Variants in ESRRG observed in about 807,000 individuals in gnomAD.
ESRRG encodes the protein estrogen related receptor gamma.
A neutral mutation model predicts 44.0 loss-of-function variants in ESRRG; 13 were observed. The ratio of observed to expected loss-of-function variants is 0.30; its 90% CI spans 0.19 to 0.47. ESRRG has a LOEUF of 0.47. ESRRG is among the 20% of genes least tolerant of loss of function. ESRRG has a pLI of 1.00. For synonymous variants in ESRRG, 215 were observed against 214.6 expected, an observed-to-expected ratio of 1.00 and a Z score of -0.02; for missense variants, 395 against 580.6, an observed-to-expected ratio of 0.68 and a Z score of 3.29.
intron 3 of ESRRG, among the ~76,000 whole-genome samples, chr1:216,573,853 C>G (rs766559877): frequency 7.2e-5 from 11 of 151,808 alleles, no homozygotes; most frequent in Non-Finnish European, 1.5e-4. Flanking sequence ...AAACTAATAC[C>G]TTTAAAATAT....
chr1:216,973,916 A>G (rs79613357), intron 1 of ESRRG, among the ~76,000 whole-genome samples: 6 of 151,914 alleles, frequency 3.9e-5, no homozygotes. Context: ...ATTCTTAAAA[A>G]CCCATAAGCG....
At chr1:217,098,210 C>T (rs753320979) in intron 1 of ESRRG, among the ~76,000 whole-genome samples, 5 of 152,126 alleles carry the variant, frequency 3.3e-5, no homozygotes, top group Non-Finnish European at 5.9e-5. Flanking sequence ...TCCTTCAACC[C>T]TCCATCAGCA....
intron 2 of ESRRG, among the ~76,000 whole-genome samples, chr1:216,928,385 A>G (rs1250436164): frequency 6.6e-6 from 1 of 152,170 alleles, no homozygotes; most frequent in Non-Finnish European, 1.5e-5. Context: ...AGGGAAGGTT[A>G]AAAAGAGGAG....
intron 1 of ESRRG, among the ~76,000 whole-genome samples, chr1:217,108,119 T>G (rs991489191): frequency 1.3e-5 from 2 of 152,210 alleles, no homozygotes; most frequent in African/African-American, 4.8e-5. Flanking sequence ...CTTTTTCTCC[T>G]AATTCTTGAC....
upstream of ESRRG, among the ~76,000 whole-genome samples, chr1:217,093,202 G>C (rs926790808): frequency 1.3e-5 from 2 of 152,142 alleles, no homozygotes; most frequent in Non-Finnish European, 2.9e-5. Flanking sequence ...GCTAGTGCTC[G>C]CTGTGTGACC....
chr1:216,805,563 G>A (rs982124560), intron 2 of ESRRG, among the ~76,000 whole-genome samples: 5 of 152,084 alleles, frequency 3.3e-5, no homozygotes, highest in African/African-American at 1.2e-4. Flanking sequence ...GACATGTGCT[G>A]TTGTCATAAA....
intron 1 of ESRRG, among the ~76,000 whole-genome samples, chr1:217,065,305 G>T (rs1475674746): frequency 1.3e-5 from 2 of 152,200 alleles, no homozygotes; most frequent in African/African-American, 4.8e-5. Flanking sequence ...ACCCTCAGCA[G>T]GTGTGAAAAC....
intron 3 of ESRRG, among the ~76,000 whole-genome samples, chr1:216,600,486 G>C (rs944828635): frequency 2.6e-5 from 4 of 152,126 alleles, no homozygotes; most frequent in Admixed American, 2.0e-4. Context: ...GCTCAATTTT[G>C]CTGTCAGCCT....
chr1:216,974,074 T>A (rs2072342280), intron 1 of ESRRG, among the ~76,000 whole-genome samples: 1 of 152,186 alleles, frequency 6.6e-6, no homozygotes, highest in South Asian at 2.1e-4. Flanking sequence ...AGAAAAAGAT[T>A]ATTATCATAG....
intron 1 of ESRRG, among the ~76,000 whole-genome samples, chr1:217,047,695 T>C (rs2085142088): frequency 6.6e-6 from 1 of 152,148 alleles, no homozygotes; most frequent in Non-Finnish European, 1.5e-5. Context: ...CAGATGGGAA[T>C]GACCAAGAAG....
chr1:216,986,246 T>C (rs2074840270), intron 1 of ESRRG, among the ~76,000 whole-genome samples: 1 of 152,208 alleles, frequency 6.6e-6, no homozygotes, highest in Non-Finnish European at 1.5e-5. Flanking sequence ...TTTAGGTGGC[T>C]CACAATCACA....
chr1:216,975,656 C>A (rs552508231), intron 1 of ESRRG, among the ~76,000 whole-genome samples: 1 of 152,316 alleles, frequency 6.6e-6, no homozygotes, highest in Non-Finnish European at 1.5e-5. Context: ...ATATAGTCTG[C>A]ATCTCTACTT....
intron 2 of ESRRG, among the ~76,000 whole-genome samples, chr1:216,888,993 T>C (rs2149382249): frequency 6.6e-6 from 1 of 152,272 alleles, no homozygotes; most frequent in East Asian, 1.9e-4. Flanking sequence ...CATCCTTGCA[T>C]CCCAATCCTC....
chr1:216,904,978 T>C (rs2059528825), intron 2 of ESRRG, among the ~76,000 whole-genome samples: 2 of 152,160 alleles, frequency 1.3e-5, no homozygotes, highest in African/African-American at 4.8e-5. Flanking sequence ...CAACACAAAA[T>C]AGCATTTTAT....
Position 216,931,159 on chromosome 1 carries a change from T to C in ESRRG, c.-14+8423A>G, listed in dbSNP as rs11572497. On this transcript the variant is annotated intron_variant, in intron 2 of 7. Coordinates refer to the ESRRG transcript ENST00000359162. Reference sequence around the variant, plus strand: ...CCCAAAGCATCTAGGAGAAGGTACATGGATATTAAAGATGACATGCACGTT... The same window carrying C: ...CCCAAAGCATCTAGGAGAAGGTACACGGATATTAAAGATGACATGCACGTT... Among the ~76,000 whole-genome samples, 498 of 152,302 alleles carry C rather than the reference T, an allele frequency of 3.3e-3. 1 individual carries two copies. Among genetic ancestry groups the C allele is most frequent in the Non-Finnish European group, 5.5e-3 (372 of 68,030 alleles).
chr1:216,858,915 A>T (rs1238838679), intron 2 of ESRRG, among the ~76,000 whole-genome samples: 2 of 152,208 alleles, frequency 1.3e-5, no homozygotes, highest in Non-Finnish European at 2.9e-5. Context: ...CTCTGACCCT[A>T]GTTGGCATGG....
At chr1:217,065,123 AG>A (rs2089413581) in intron 1 of ESRRG, among the ~76,000 whole-genome samples, 1 of 152,216 alleles carries the variant, frequency 6.6e-6, no homozygotes, top group Admixed American at 6.5e-5. Flanking sequence ...TAAATAGCCT[AG>A]GATATCCATT....
chr1:217,046,290 T>A (rs2084868420), intron 1 of ESRRG, among the ~76,000 whole-genome samples: 2 of 152,148 alleles, frequency 1.3e-5, no homozygotes, highest in Non-Finnish European at 2.9e-5. Flanking sequence ...GCACAGTATC[T>A]TATACAAAAG....
At chr1:216,710,649 T>C (rs1423045951) in intron 1 of ESRRG, among the ~76,000 whole-genome samples, 1 of 152,204 alleles carries the variant, frequency 6.6e-6, no homozygotes, top group African/African-American at 2.4e-5. Context: ...AAATACTCCA[T>C]GGCTAACCTT....
Sources: allele counts gnomAD v4.1 joint callset (sites outside exome capture counted in the v4.1 genomes callset), GRCh38; gene constraint gnomAD v4.1.1; transcripts MANE v1.5; gene names NCBI Gene and HGNC (gene_info 2026-07-23, HGNC 2026-07-21).